The following PBX1 variants were observed in gnomAD, a reference collection of about 807,000 sequenced individuals.
PBX1 encodes the protein PBX homeobox 1.
Under a neutral mutation model 53.4 loss-of-function variants are expected in PBX1, and 6 were observed. The ratio of observed to expected loss-of-function variants is 0.11; its 90% CI spans 0.06 to 0.22. The LOEUF is 0.22. PBX1 is among the 10% of genes least tolerant of loss of function. The pLI, the probability that PBX1 is intolerant of heterozygous loss-of-function variation, is 1.00. For synonymous variants in PBX1, 204 were observed against 212.3 expected, an observed-to-expected ratio of 0.96 and a Z score of 0.34; for missense variants, 251 against 551.4, an observed-to-expected ratio of 0.46 and a Z score of 5.46.
At chr1:164,868,775 G>A (rs757166616) in intron 2 of PBX1, among the ~76,000 whole-genome samples, 1 of 152,186 alleles carries the variant, frequency 6.6e-6, no homozygotes, top group African/African-American at 2.4e-5. Context: ...ACCAGGTAAT[G>A]CTCTGGTGGG....
intron 2 of PBX1, among the ~76,000 whole-genome samples, chr1:164,598,420 T>C (rs1655916416): frequency 6.6e-6 from 1 of 152,166 alleles, no homozygotes. Context: ...GGTTAAGTCA[T>C]TGTCTTCCAT....
intron 2 of PBX1, among the ~76,000 whole-genome samples, chr1:164,859,211 T>A (rs74671779): frequency 0.01 from 1,534 of 152,276 alleles, 9 homozygotes; most frequent in Non-Finnish European, 0.016. Context: ...CTCCCATCTC[T>A]TACCTCAAAT....
At chr1:164,618,318 G>A (rs10918051) in intron 2 of PBX1, among the ~76,000 whole-genome samples, 2 of 132,728 alleles carry the variant, frequency 1.5e-5, no homozygotes, top group African/African-American at 2.7e-5. Context: ...GGGCACTCAA[G>A]ATGATCAGCA....
At chr1:164,842,936 A>G (rs1315676825) in intron 8 of PBX1, among the ~76,000 whole-genome samples, 1 of 151,364 alleles carries the variant, frequency 6.6e-6, no homozygotes, top group Non-Finnish European at 1.5e-5. Flanking sequence ...TGTTAATGAA[A>G]GCATCCTCTC....
intron 2 of PBX1, among the ~76,000 whole-genome samples, chr1:164,697,032 A>T (rs998558820): frequency 3.3e-5 from 5 of 152,214 alleles, no homozygotes; most frequent in African/African-American, 1.2e-4. Context: ...TCAATACTGC[A>T]AGTGGGGATA....
At chr1:164,782,393 G>T (rs1667978016) in intron 2 of PBX1, among the ~76,000 whole-genome samples, 1 of 152,200 alleles carries the variant, frequency 6.6e-6, no homozygotes, top group Non-Finnish European at 1.5e-5. Context: ...ATCTTATTGG[G>T]AAGGAATCCT....
At chr1:164,818,553 G>A (rs977660098) in intron 6 of PBX1, 1 of 152,070 alleles carries the variant, frequency 6.6e-6, no homozygotes, top group Non-Finnish European at 1.5e-5. Flanking sequence ...GGAGTTAGGT[G>A]GAGGATTGTT....
intron 8 of PBX1, among the ~76,000 whole-genome samples, chr1:164,841,845 TGAGGGGCTG>T (rs1671313068): frequency 1.3e-5 from 2 of 152,112 alleles, no homozygotes; most frequent in Non-Finnish European, 2.9e-5. Context: ...ACTGGGTGAT[TGAGGGGCTG>T]GAGCACGTGC....
rs77395951 is a variant in PBX1 at position 164,710,314 on chromosome 1, A to T, written c.266-82180A>T. On this transcript the variant is annotated intron_variant, in intron 2 of 8. Coordinates refer to ENST00000420696, the MANE Select transcript of PBX1 (RefSeq NM_002585.4). ...AGTTTTTTTCTTTCTTATAAGAAAG[A>T]CTCCAGATGTTGAATTTAAACTGGG... 5.5e-3 allele frequency among the ~76,000 whole-genome samples: 838 copies of T among 151,980 alleles called. 7 individuals are homozygous for T. The highest frequency in any genetic ancestry group is 0.02 in the African/African-American group (812 of 41,432).
At chr1:164,752,245 T>TGC (rs767088412) in intron 2 of PBX1, among the ~76,000 whole-genome samples, 2 of 147,120 alleles carry the variant, frequency 1.4e-5, no homozygotes, top group Non-Finnish European at 3.0e-5. Context: ...TGTGTGTGTG[T>TGC]GCCCTCAGTG....
intron 2 of PBX1, among the ~76,000 whole-genome samples, chr1:164,691,113 C>T (rs1007163980): frequency 4.2e-5 from 6 of 143,548 alleles, no homozygotes; most frequent in African/African-American, 1.5e-4. Context: ...TTCCCGGGTT[C>T]AAGTGATTCT....
At chr1:164,834,584 A>T (rs779983847) in intron 8 of PBX1, among the ~76,000 whole-genome samples, 4 of 152,124 alleles carry the variant, frequency 2.6e-5, no homozygotes, top group Non-Finnish European at 5.9e-5. Flanking sequence ...ACCTCAGGTG[A>T]TCCACCCACT....
At chr1:164,670,030 T>C (rs1661029830) in intron 2 of PBX1, among the ~76,000 whole-genome samples, 1 of 152,146 alleles carries the variant, frequency 6.6e-6, no homozygotes, top group Non-Finnish European at 1.5e-5. Context: ...CAGCTCACAA[T>C]ATTTCCTCCT....
At chr1:164,661,029 C>G (rs1193049315) in intron 2 of PBX1, among the ~76,000 whole-genome samples, 1 of 152,226 alleles carries the variant, frequency 6.6e-6, no homozygotes, top group Non-Finnish European at 1.5e-5. Context: ...CTGATCACAT[C>G]TGAAGGCAAG....
In PBX1 at chr1:164,559,813, G is replaced by A; in HGVS notation, c.-10G>A. The A allele has an allele frequency of 1.3e-6, 2 of 1,542,200 alleles. No homozygotes were observed. Among genetic ancestry groups the A allele is most frequent in the Non-Finnish European group, 1.7e-6 (2 of 1,143,018 alleles). ...AGAGGAAGAGCCGGGGGCTGCCGTA[G>A]CCTTTGGAGATGGACGAGCAGCCCA... On this transcript the variant is annotated 5_prime_UTR_variant, in exon 1 of 9. Transcript: ENST00000420696.
intron 4 of PBX1, among the ~76,000 whole-genome samples, chr1:164,807,321 T>A (rs371520552): frequency 6.6e-6 from 1 of 152,204 alleles, no homozygotes; most frequent in East Asian, 1.9e-4. Flanking sequence ...TGCAAAAATA[T>A]CTGTGACCAC....
intron 2 of PBX1, among the ~76,000 whole-genome samples, chr1:164,780,039 G>C (rs1215844777): frequency 6.6e-6 from 1 of 152,166 alleles, no homozygotes; most frequent in Non-Finnish European, 1.5e-5. Context: ...ATCTTGTGGT[G>C]CTAAATGCTT....
intron 2 of PBX1, among the ~76,000 whole-genome samples, chr1:164,859,798 A>G (rs1890535): frequency 0.5 from 75,342 of 152,022 alleles, 18,915 homozygotes; most frequent in Non-Finnish European, 0.53. Context: ...CACTGGAAAT[A>G]CTGGCTCAAT....
chr1:164,755,998 GAAAAAAAAAA>G (rs370503258), intron 2 of PBX1, among the ~76,000 whole-genome samples: 2 of 125,024 alleles, frequency 1.6e-5, no homozygotes, highest in Non-Finnish European at 3.3e-5. Flanking sequence ...CCCGATTCAG[GAAAAAAAAAA>G]AAAAAAAGAA....
Sources: gnomAD v4.1 joint callset for allele counts (sites outside exome capture counted in the v4.1 genomes callset) on GRCh38, gnomAD v4.1.1 for gene constraint, MANE v1.5 for transcripts, NCBI Gene and HGNC (gene_info 2026-07-23, HGNC 2026-07-21) for gene names.